CSRNP3: variants seen among roughly 807,000 people sequenced by gnomAD.
CSRNP3 encodes cysteine/serine-rich nuclear protein 3.
In CSRNP3, 12 loss-of-function variants were observed where a neutral mutation model predicts 48.0. The ratio of observed to expected loss-of-function variants is 0.25; its 90% CI spans 0.16 to 0.41. The LOEUF is 0.41. CSRNP3 is among the 10% of genes least tolerant of loss of function. The pLI is 1.00. For missense variants in CSRNP3, 580 were observed against 724.4 expected (o/e 0.80, Z 2.29); for synonymous variants, 263 against 269.7 (o/e 0.98, Z 0.24).
In CSRNP3 at chr2:165,676,485, T is replaced by C. The variant is rs754213592; in HGVS notation, c.582T>C (p.Ile194=). ...ALLRASGVKK[I]DVEEKHELRA... Reference sequence around the variant, plus strand: ...TGCGTGCCTCTGGAGTGAAAAAGATTGACGTGGAAGAAAAGCACGAACTCC... The same window carrying C: ...TGCGTGCCTCTGGAGTGAAAAAGATCGACGTGGAAGAAAAGCACGAACTCC... The change falls in exon 6 of 7, where the codon ATT becomes ATC. Residue 194 remains isoleucine, a synonymous_variant. Transcript: ENST00000651982. 3.7e-6 allele frequency: 6 copies of C among 1,614,150 alleles called. No homozygotes were observed. Among genetic ancestry groups the C allele is most frequent in the Non-Finnish European group, 5.1e-6 (6 of 1,180,002 alleles).
intron 4 of CSRNP3, among the ~76,000 whole-genome samples, chr2:165,597,438 G>T (rs1465683042): frequency 1.3e-5 from 2 of 152,018 alleles, no homozygotes; most frequent in African/African-American, 2.4e-5. Context: ...AAAAAGAAGT[G>T]ATTTAGACTC....
At chr2:165,532,780 G>A (rs1172872892) in intron 3 of CSRNP3, among the ~76,000 whole-genome samples, 1 of 152,134 alleles carries the variant, frequency 6.6e-6, no homozygotes, top group Admixed American at 6.5e-5. Flanking sequence ...GTCCCTGTTT[G>A]CAGATGACAT....
Position 165,682,749 on chromosome 2 carries a change from T to G in CSRNP3, c.*2996T>G, listed in dbSNP as rs563001862. ...ATAGCCGTTCTATTCAACAAAGAGC[T>G]GCCCACATGCCAGGAAAGTGCTACA... On this transcript the variant is annotated 3_prime_UTR_variant, in exon 7 of 7. Coordinates refer to ENST00000651982, the MANE Select transcript of CSRNP3 (RefSeq NM_001172173.2). 5 of 152,238 alleles carry G rather than the reference T, an allele frequency of 3.3e-5. No homozygotes were observed. In the East Asian group the frequency reaches 9.6e-4, roughly 29 times the overall value. 9.4% of individuals were successfully genotyped at this position (152,238 alleles called of 1,614,324 possible). A position where few individuals can be genotyped will look rare whatever the true frequency, so the allele number is the denominator to read the frequency against.
rs1684968350 is a variant in CSRNP3, at chr2:165,542,311, AT to A, written c.-24+24356del. Among the ~76,000 whole-genome samples the A allele has an allele frequency of 3.3e-5, 5 of 152,196 alleles. No homozygotes were observed. The South Asian group carries it at 1.0e-3, about 32-fold the overall frequency. On this transcript the variant is annotated intron_variant, in intron 3 of 6. Coordinates refer to ENST00000651982, the MANE Select transcript of CSRNP3 (RefSeq NM_001172173.2). Reference sequence around the variant, plus strand: ...TTCGAAAGAAAAATGCCCATACACAATTTTTTGCAGATTATTTCCTAGTGCT... The same window carrying A: ...TTCGAAAGAAAAATGCCCATACACAATTTTTGCAGATTATTTCCTAGTGCT...
intron 5 of CSRNP3, among the ~76,000 whole-genome samples, chr2:165,664,947 C>T (rs1687154870): frequency 6.6e-6 from 1 of 152,174 alleles, no homozygotes; most frequent in African/African-American, 2.4e-5. Context: ...AATTTTGTAA[C>T]ATCTCCATGG....
At chr2:165,644,948 T>TCTGG (rs1034970665) in intron 4 of CSRNP3, among the ~76,000 whole-genome samples, 1 of 152,112 alleles carries the variant, frequency 6.6e-6, no homozygotes, top group Non-Finnish European at 1.5e-5. Flanking sequence ...AGATCTGGTG[T>TCTGG]CTGGTAAGGG....
At chr2:165,647,100 G>A (rs943728682) in intron 4 of CSRNP3, among the ~76,000 whole-genome samples, 3 of 151,304 alleles carry the variant, frequency 2.0e-5, no homozygotes, top group Admixed American at 6.6e-5. Flanking sequence ...GATAGTACTC[G>A]GCATATGTAA....
intron 5 of CSRNP3, among the ~76,000 whole-genome samples, chr2:165,666,319 G>A (rs202049316): frequency 5.2e-5 from 5 of 95,252 alleles, no homozygotes; most frequent in East Asian, 3.8e-4. Flanking sequence ...GGAAGGAAAG[G>A]GAGAGAGGAA....
chr2:165,567,911 C>T (rs1685319122), intron 3 of CSRNP3, among the ~76,000 whole-genome samples: 1 of 151,922 alleles, frequency 6.6e-6, no homozygotes, highest in South Asian at 2.1e-4. Flanking sequence ...GAAAGTTTAA[C>T]CAACTAAGGC....
chr2:165,679,620 G>A lies in CSRNP3; in HGVS notation c.1625G>A (p.Gly542Glu), dbSNP rs1409111203. The part of the protein sequence containing the change: ...HSYLKGPSQE[G>E]FVSALNGDSH... ...TACTTGAAAGGCCCCTCCCAAGAAG[G>A]GTTTGTCTCTGCATTGAATGGTGAC... Residue 542 changes from glycine to glutamate, a missense_variant, in exon 7 of 7, where the codon GGG (glycine) becomes GAG (glutamate). By Grantham distance (98) the Gly-to-Glu change is moderately conservative (BLOSUM62 -2). This residue lies in a region of CSRNP3 where 369 missense variants were observed against 380.8 expected (regional missense o/e 0.97). Coordinates refer to ENST00000651982, the MANE Select transcript of CSRNP3 (RefSeq NM_001172173.2). 3 of 1,614,046 alleles carry A rather than the reference G, an allele frequency of 1.9e-6. No individual in the cohort carries two copies. The highest frequency in any genetic ancestry group is 3.3e-5 in the Admixed American group (2 of 60,002).
chr2:165,663,832 T>C (rs1269410091), intron 5 of CSRNP3, among the ~76,000 whole-genome samples: 2 of 152,126 alleles, frequency 1.3e-5, no homozygotes, highest in African/African-American at 4.8e-5. Context: ...TTGGCAAACA[T>C]GACAAATTAG....
At chr2:165,614,638 G>A (rs1686200216) in intron 4 of CSRNP3, among the ~76,000 whole-genome samples, 1 of 152,058 alleles carries the variant, frequency 6.6e-6, no homozygotes, top group African/African-American at 2.4e-5. Context: ...TAATCATGAA[G>A]GATTGTAAGA....
intron 4 of CSRNP3, among the ~76,000 whole-genome samples, chr2:165,645,909 T>G (rs1345952958): frequency 1.4e-5 from 2 of 142,492 alleles, no homozygotes. Flanking sequence ...GTTTTTTTTG[T>G]TTTGTTTTGT....
chr2:165,512,232 G>T (rs570042076), intron 2 of CSRNP3, among the ~76,000 whole-genome samples: 8 of 152,214 alleles, frequency 5.3e-5, no homozygotes, highest in Admixed American at 3.9e-4. Flanking sequence ...AATCCCTTCT[G>T]TGGTAATCTG....
chr2:165,582,789 A>T (rs1462242264), intron 3 of CSRNP3, among the ~76,000 whole-genome samples: 1 of 152,088 alleles, frequency 6.6e-6, no homozygotes, highest in Admixed American at 6.5e-5. Flanking sequence ...TTTTCTGGGG[A>T]AAGTGTTCAT....
chr2:165,688,018 C>A lies in CSRNP3; in HGVS notation c.*8265C>A. ...GTGTGGTTACTCCCCACAAATAACA[C>A]TAGGGGGAAATGACCTTTTTTATTT... On this transcript the variant is annotated 3_prime_UTR_variant, in exon 7 of 7. Coordinates refer to ENST00000651982, the MANE Select transcript of CSRNP3 (RefSeq NM_001172173.2). 6.9e-6 allele frequency: 1 copy of A among 144,356 alleles called. No homozygotes were observed. Among genetic ancestry groups the A allele is most frequent in the East Asian group, 2.0e-4 (1 of 4,906 alleles). The allele number at this position is 144,356 out of a possible 1,614,324, so 8.9% of individuals were successfully genotyped here.
chr2:165,554,987 G>A (rs762088580), intron 3 of CSRNP3, among the ~76,000 whole-genome samples: 5 of 152,146 alleles, frequency 3.3e-5, no homozygotes, highest in East Asian at 1.9e-4. Flanking sequence ...CTTGTTAGTC[G>A]TTGAACATCT....
At chr2:165,520,783 T>TATATA (rs1491513009) in intron 3 of CSRNP3, among the ~76,000 whole-genome samples, 2 of 29,692 alleles carry the variant, frequency 6.7e-5, no homozygotes, top group African/African-American at 5.1e-4. Flanking sequence ...TATATATATA[T>TATATA]TATATATATA....
chr2:165,542,759 A>C (rs1684974542), intron 3 of CSRNP3, among the ~76,000 whole-genome samples: 1 of 152,282 alleles, frequency 6.6e-6, no homozygotes, highest in South Asian at 2.1e-4. Context: ...GAAATGCCAA[A>C]TCAATGGAAA....
Sources: gnomAD v4.1 joint callset for allele counts (sites outside exome capture counted in the v4.1 genomes callset) on GRCh38, gnomAD v4.1.1 for gene constraint, gnomAD v4.1.1 regional missense constraint, MANE v1.5 for transcripts, NCBI Gene and HGNC (gene_info 2026-07-23, HGNC 2026-07-21) for gene names.